Variants in OTOGL observed in about 807,000 individuals in gnomAD.
OTOGL encodes the protein otogelin like.
In OTOGL, 285 loss-of-function variants were observed where a neutral mutation model predicts 318.5. The ratio of observed to expected loss-of-function variants is 0.89; its 90% CI spans 0.81 to 0.99. OTOGL has a LOEUF of 0.99. Ranked by LOEUF, OTOGL falls within the 50% of genes least tolerant of loss-of-function variation. The probability of loss-of-function intolerance (pLI) is 0.00; values close to 1 mark genes in which losing one functional copy is unlikely to be tolerated. For missense variants in OTOGL, 2,899 were observed against 2,845.6 expected (o/e 1.02, Z -0.43); for synonymous variants, 987 against 936.5 (o/e 1.05, Z -0.99).
chr12:80,250,893 A>G (rs1481577636), intron 11 of OTOGL, among the ~76,000 whole-genome samples: 1 of 152,170 alleles, frequency 6.6e-6, no homozygotes. Context: ...TGCTTTGGGA[A>G]TTTTCAGAGC....
At chr12:80,373,583 A>G (rs1421897120) in intron 57 of OTOGL, among the ~76,000 whole-genome samples, 1 of 152,020 alleles carries the variant, frequency 6.6e-6, no homozygotes, top group Non-Finnish European at 1.5e-5. Context: ...GTAGTCTTAT[A>G]TTTTTAGATA....
Position 80,108,936 on chromosome 12 carries a change from G to GTGTGTATATATATATATATATA in OTOGL, c.-20+9332_-20+9333insGTGTATATATATATATATATAT, listed in dbSNP as rs1555268621. 7.5e-4 allele frequency among the ~76,000 whole-genome samples: 96 copies of GTGTGTATATATATATATATATA among 128,220 alleles called. 3 individuals are homozygous for GTGTGTATATATATATATATATA. Among genetic ancestry groups the GTGTGTATATATATATATATATA allele is most frequent in the African/African-American group, 2.8e-3 (89 of 31,260 alleles). 84.1% of individuals were successfully genotyped at this position (128,220 alleles called of 152,430 possible). ...TATATGTGTATATATATATGTGTGT[G>GTGTGTATATATATATATATATA]TATATATATATATATATACACACAC... On this transcript the variant is annotated intron_variant, in intron 1 of 58. Transcript: ENST00000547103.
intron 42 of OTOGL, among the ~76,000 whole-genome samples, chr12:80,338,348 G>A (rs1010929766): frequency 1.3e-5 from 2 of 151,966 alleles, no homozygotes; most frequent in African/African-American, 4.8e-5. Context: ...GAAAGAGAAA[G>A]TATGTTTCAG....
At chr12:80,360,848 A>G (rs1362193697) in intron 52 of OTOGL, among the ~76,000 whole-genome samples, 1 of 151,854 alleles carries the variant, frequency 6.6e-6, no homozygotes, top group Non-Finnish European at 1.5e-5. Flanking sequence ...TTTATTTTTT[A>G]TTTATTTATT....
intron 38 of OTOGL, among the ~76,000 whole-genome samples, 155 bp downstream of exon 38, chr12:80,333,233 C>T (rs1342338161): frequency 1.3e-5 from 2 of 151,766 alleles, no homozygotes; most frequent in Non-Finnish European, 1.5e-5. Context: ...TTCATTGGAA[C>T]AATTGTAACT....
intron 14 of OTOGL, 40 bp from the exon 15 acceptor site, chr12:80,254,484 C>T (rs1482615291): frequency 6.5e-7 from 1 of 1,530,518 alleles, no homozygotes; most frequent in Non-Finnish European, 9.0e-7. Flanking sequence ...AATACAGTTT[C>T]TCTATGCCAA....
At position 80,169,961 on chromosome 12, in the gene OTOGL, A is replaced by G. The variant is rs543648405; in HGVS notation, c.-19-39452A>G. On this transcript the variant is annotated intron_variant, in intron 1 of 58. Transcript: ENST00000547103. ...TTTGGAAATTATGAATAATGCTACT[A>G]TCAACATTCACATGTAGATTTTTAT... 2.6e-5 allele frequency among the ~76,000 whole-genome samples: 4 copies of G among 152,372 alleles called. No individual in the cohort carries two copies. In the East Asian group the frequency reaches 5.8e-4, roughly 22 times the overall value.
chr12:80,355,224 C>CTTTCTTTTTTTTT (rs1889799791), intron 46 of OTOGL, among the ~76,000 whole-genome samples: 5 of 65,602 alleles, frequency 7.6e-5, no homozygotes, highest in African/African-American at 2.4e-4. Flanking sequence ...TTCTTTCTTT[C>CTTTCTTTTTTTTT]TTTTCTTTTT....
rs200949284 is a variant in OTOGL at position 80,323,097 on chromosome 12, TACACACACACACACACACACACAC to T, written c.4082-598_4082-575del. ...GATGTGAAGACAGATGAAAACCCAC[TACACACACACACACACACACACAC>T]ACACACACACACACACACACACACA... On this transcript the variant is annotated intron_variant, in intron 34 of 58. Transcript: ENST00000547103. Among the ~76,000 whole-genome samples, 211 of 127,154 alleles carry T rather than the reference TACACACACACACACACACACACAC, an allele frequency of 1.7e-3. 1 individual carries two copies. Among genetic ancestry groups the T allele is most frequent in the African/African-American group, 5.7e-3 (208 of 36,202 alleles). The allele number at this position is 127,154 out of a possible 152,430, so 83.4% of individuals were successfully genotyped here. A position where few individuals can be genotyped will look rare whatever the true frequency, so the allele number is the denominator to read the frequency against.
intron 8 of OTOGL, among the ~76,000 whole-genome samples, chr12:80,232,134 G>T (rs1012349981): frequency 6.6e-6 from 1 of 152,034 alleles, no homozygotes; most frequent in African/African-American, 2.4e-5. Flanking sequence ...ATATGCTTGT[G>T]AAAAATGGAA....
intron 35 of OTOGL, among the ~76,000 whole-genome samples, 186 bp downstream of exon 35, chr12:80,324,026 C>A (rs1460238323): frequency 6.6e-6 from 1 of 152,224 alleles, no homozygotes; most frequent in Non-Finnish European, 1.5e-5. Flanking sequence ...AGGCAATCTT[C>A]TTGCTGCTGG....
rs184645000 is a variant in OTOGL at position 80,316,026 on chromosome 12, C to A, written c.3634+1695C>A. Among the ~76,000 whole-genome samples, 57 of 152,134 alleles carry A rather than the reference C, an allele frequency of 3.7e-4. 1 individual carries two copies. The East Asian group carries it at 7.9e-3, about 21-fold the overall frequency. ...ATATAATTTAAACTTCAAAATATGT[C>A]ATTATTTTATTTTATTATCTGCATT... is the stretch of plus-strand genomic sequence containing the variant. On this transcript the variant is annotated intron_variant, in intron 32 of 58. Transcript: ENST00000547103.
At chr12:80,303,979 G>C (rs999491461) in intron 28 of OTOGL, among the ~76,000 whole-genome samples, 3 of 152,106 alleles carry the variant, frequency 2.0e-5, no homozygotes, top group African/African-American at 7.2e-5. Context: ...CTTCTTTATT[G>C]TCAACCCCTA....
At chr12:80,204,348 T>C (rs926801592) in intron 1 of OTOGL, among the ~76,000 whole-genome samples, 3 of 152,194 alleles carry the variant, frequency 2.0e-5, no homozygotes, top group Admixed American at 2.0e-4. Context: ...TTGTCATAAA[T>C]CAGATTGCCA....
chr12:80,295,912 C>T (rs1296477826), intron 26 of OTOGL, among the ~76,000 whole-genome samples: 3 of 152,020 alleles, frequency 2.0e-5, no homozygotes, highest in Non-Finnish European at 2.9e-5. Context: ...AATGAAATTT[C>T]CAGAGTCAGT....
chr12:80,298,663 A>G (rs1885570556), intron 27 of OTOGL, among the ~76,000 whole-genome samples: 1 of 152,132 alleles, frequency 6.6e-6, no homozygotes, highest in Non-Finnish European at 1.5e-5. Context: ...CACTCAGTAG[A>G]GCAGAGCTGA....
rs189882100 is a variant in OTOGL at position 80,289,060 on chromosome 12, T to C, written c.2929-7767T>C. ...TTTATCTACCTTTGATCTTTGATGC[T>C]GATGGCCTTTGGATGGGGATTTTGT... On this transcript the variant is annotated intron_variant, in intron 26 of 58. Transcript: ENST00000547103. 8.3e-3 allele frequency among the ~76,000 whole-genome samples: 1,268 copies of C among 152,316 alleles called. 7 individuals are homozygous for C. The highest frequency in any genetic ancestry group is 0.014 in the Non-Finnish European group (940 of 68,024).
At chr12:80,149,126 C>T (rs952717409) in intron 1 of OTOGL, among the ~76,000 whole-genome samples, 40 of 152,176 alleles carry the variant, frequency 2.6e-4, no homozygotes, top group African/African-American at 3.9e-4. Context: ...GGAGGAGAGG[C>T]GCTCTGCTTT....
intron 37 of OTOGL, among the ~76,000 whole-genome samples, chr12:80,329,938 C>T (rs1166607720): frequency 6.6e-6 from 1 of 151,974 alleles, no homozygotes; most frequent in Non-Finnish European, 1.5e-5. Context: ...CACACTAGGA[C>T]CATCATATTT....
Sources: gnomAD v4.1 joint callset for allele counts (sites outside exome capture counted in the v4.1 genomes callset) on GRCh38, gnomAD v4.1.1 for gene constraint, MANE v1.5 for transcripts, NCBI Gene and HGNC (gene_info 2026-07-23, HGNC 2026-07-21) for gene names.